The following ZNF438 variants were observed in gnomAD, a reference collection of about 807,000 sequenced individuals.
ZNF438 encodes the protein zinc finger protein 438.
Under a neutral mutation model 38.0 loss-of-function variants are expected in ZNF438, and 25 were observed. That is an observed-to-expected ratio of 0.66 (90% CI 0.48 to 0.92). The LOEUF (loss-of-function observed/expected upper bound fraction) is 0.92, where lower values mean the gene tolerates loss of function less well. ZNF438 is among the 40% of genes least tolerant of loss of function. The pLI, the probability that ZNF438 is intolerant of heterozygous loss-of-function variation, is 0.00. For synonymous variants in ZNF438, 372 were observed against 364.1 expected (o/e 1.02, Z -0.25); for missense variants, 1,007 against 999.6 (o/e 1.01, Z -0.10).
intron 4 of ZNF438, among the ~76,000 whole-genome samples, chr10:30,871,603 C>A (rs74133700): frequency 9.7e-4 from 148 of 152,258 alleles, no homozygotes; most frequent in Middle Eastern, 3.4e-3. Context: ...TACTTGAGTT[C>A]TAATATTCTT....
At chr10:30,848,908 G>T (rs1708632267) in exon 5 of ZNF438, 3 of 1,614,116 alleles carry the variant, frequency 1.9e-6, no homozygotes, top group Non-Finnish European at 2.5e-6. Context: ...TAATGCCAGA[G>T]AATCCATTTC....
At chr10:31,030,730 A>G (rs2057234092) in intron 1 of ZNF438, among the ~76,000 whole-genome samples, 1 of 152,254 alleles carries the variant, frequency 6.6e-6, no homozygotes. Context: ...CTGTATAAAT[A>G]CACCCTGAAG....
intron 4 of ZNF438, among the ~76,000 whole-genome samples, chr10:30,861,289 T>C (rs1304073953): frequency 2.6e-5 from 4 of 152,238 alleles, no homozygotes; most frequent in Non-Finnish European, 5.9e-5. Context: ...TGTTTTACTG[T>C]ATTATTTAGG....
chr10:30,892,456 G>A (rs2040815426), intron 3 of ZNF438, among the ~76,000 whole-genome samples: 1 of 151,998 alleles, frequency 6.6e-6, no homozygotes, highest in Admixed American at 6.6e-5. Flanking sequence ...GAAATGAGAA[G>A]AGAAATCACA....
chr10:30,971,267 G>A (rs774913350), intron 1 of ZNF438, among the ~76,000 whole-genome samples: 3 of 152,140 alleles, frequency 2.0e-5, no homozygotes, highest in South Asian at 2.1e-4. Flanking sequence ...TAGTAACTAC[G>A]CAGTAAGTGT....
chr10:30,914,544 T>C (rs2043401281), intron 2 of ZNF438, among the ~76,000 whole-genome samples: 3 of 151,946 alleles, frequency 2.0e-5, no homozygotes, highest in South Asian at 2.1e-4. Context: ...ACTGGGGGGA[T>C]TGTGTAAGCG....
chr10:30,950,723 C>G lies in ZNF438; in HGVS notation c.-191-9072G>C, dbSNP rs1330531118. Among the ~76,000 whole-genome samples the G allele has an allele frequency of 1.1e-4, 16 of 140,612 alleles. No individual in the cohort carries two copies. In the Admixed American group the frequency reaches 1.1e-3, roughly 10 times the overall value. 92.2% of individuals were successfully genotyped at this position (140,612 alleles called of 152,430 possible). A position where few individuals can be genotyped will look rare whatever the true frequency, so the allele number is the denominator to read the frequency against. Reference sequence around the variant, plus strand: ...GAAGAAGTTGAATCTCTGAATAGACCAATAACAGGATCTGATACTGTGGCA... The same window carrying G: ...GAAGAAGTTGAATCTCTGAATAGACGAATAACAGGATCTGATACTGTGGCA... On this transcript the variant is annotated intron_variant, in intron 1 of 5. Transcript: ENST00000413025.
chr10:30,933,833 GC>G (rs1427909672), intron 2 of ZNF438, among the ~76,000 whole-genome samples: 29 of 152,102 alleles, frequency 1.9e-4, no homozygotes, highest in Non-Finnish European at 1.5e-5. Context: ...CACAGTGGGG[GC>G]ACTGGGAGCC....
chr10:31,011,728 G>T (rs567870097), intron 1 of ZNF438, among the ~76,000 whole-genome samples: 16 of 152,286 alleles, frequency 1.1e-4, no homozygotes, highest in African/African-American at 3.9e-4. Flanking sequence ...ACCATCTCTT[G>T]TCCTTCTACC....
intron 1 of ZNF438, among the ~76,000 whole-genome samples, chr10:30,971,444 T>C (rs181416457): frequency 2.0e-5 from 3 of 152,198 alleles, no homozygotes. Context: ...TAGAAGACAA[T>C]TTGGAAGAAT....
At chr10:30,914,622 T>A (rs1286618553) in intron 2 of ZNF438, among the ~76,000 whole-genome samples, 2 of 151,992 alleles carry the variant, frequency 1.3e-5, no homozygotes, top group Admixed American at 1.3e-4. Context: ...CTTAAAAGTG[T>A]CATTAAAAAA....
intron 2 of ZNF438, among the ~76,000 whole-genome samples, chr10:30,932,744 G>A (rs1290090970): frequency 2.0e-5 from 3 of 152,164 alleles, no homozygotes; most frequent in Non-Finnish European, 2.9e-5. Flanking sequence ...GACCTTATTT[G>A]GAAATAGGGT....
intron 4 of ZNF438, among the ~76,000 whole-genome samples, chr10:30,859,601 CTT>C (rs2035248050): frequency 6.6e-6 from 1 of 152,176 alleles, no homozygotes; most frequent in Non-Finnish European, 1.5e-5. Flanking sequence ...GGCTTTGGCA[CTT>C]CACTCTCTGT....
At chr10:31,003,727 C>A (rs78672145) in intron 1 of ZNF438, among the ~76,000 whole-genome samples, 1 of 152,246 alleles carries the variant, frequency 6.6e-6, no homozygotes, top group Admixed American at 6.5e-5. Context: ...AACTGGTCTT[C>A]CTGCTTTCAG....
At chr10:30,874,114 G>GTGTATATATA (rs1257613270) in intron 4 of ZNF438, among the ~76,000 whole-genome samples, 5 of 80,278 alleles carry the variant, frequency 6.2e-5, no homozygotes, top group African/African-American at 1.4e-4. Flanking sequence ...GTGTGTGTGT[G>GTGTATATATA]TATATATATA....
chr10:31,022,840 C>A (rs946923862), intron 1 of ZNF438, among the ~76,000 whole-genome samples: 7 of 152,178 alleles, frequency 4.6e-5, no homozygotes, highest in Non-Finnish European at 1.0e-4. Context: ...AAGGAAAATG[C>A]TTCCAAAACC....
chr10:30,876,278 T>C (rs2038401488), intron 4 of ZNF438, among the ~76,000 whole-genome samples: 1 of 152,166 alleles, frequency 6.6e-6, no homozygotes. Flanking sequence ...AAGATATGTC[T>C]TTTTTCTCAT....
chr10:31,001,635 A>G (rs1273491986), intron 1 of ZNF438, among the ~76,000 whole-genome samples: 1 of 152,238 alleles, frequency 6.6e-6, no homozygotes, highest in Non-Finnish European at 1.5e-5. Context: ...TACCTTTCTA[A>G]TGCAGTTGAA....
intron 2 of ZNF438, among the ~76,000 whole-genome samples, chr10:30,912,248 C>T (rs571846282): frequency 3.0e-4 from 46 of 152,276 alleles, no homozygotes; most frequent in Non-Finnish European, 5.6e-4. Flanking sequence ...TACACCACTC[C>T]TCCAAGACCC....
Sources: allele counts gnomAD v4.1 joint callset (sites outside exome capture counted in the v4.1 genomes callset), GRCh38; gene constraint gnomAD v4.1.1; transcripts MANE v1.5; gene names NCBI Gene and HGNC (gene_info 2026-07-23, HGNC 2026-07-21).